The following CNTNAP2 variants were observed in gnomAD, a reference collection of about 807,000 sequenced individuals.
CNTNAP2 encodes contactin-associated protein-like 2.
In CNTNAP2, 98 loss-of-function variants were observed where a neutral mutation model predicts 155.2. The ratio of observed to expected loss-of-function variants is 0.63; its 90% CI spans 0.54 to 0.75. The LOEUF (loss-of-function observed/expected upper bound fraction) is 0.75. Among genes scored for constraint, CNTNAP2 ranks in the 30% least tolerant of loss-of-function variants. CNTNAP2 has a pLI of 0.00. For synonymous variants in CNTNAP2, 651 were observed against 631.2 expected (o/e 1.03, Z -0.47); for missense variants, 1,727 against 1,688.1 (o/e 1.02, Z -0.40).
intron 3 of CNTNAP2, among the ~76,000 whole-genome samples, chr7:146,843,423 T>A (rs1232153892): frequency 6.6e-6 from 1 of 152,062 alleles, no homozygotes; most frequent in East Asian, 1.9e-4. Context: ...AGGCCCCTCT[T>A]CCAACACTGG....
At chr7:147,027,728 A>G (rs990067550) in intron 3 of CNTNAP2, among the ~76,000 whole-genome samples, 1 of 152,154 alleles carries the variant, frequency 6.6e-6, no homozygotes, top group African/African-American at 2.4e-5. Flanking sequence ...GGGTTTGGCC[A>G]AATACAGTGG....
intron 1 of CNTNAP2, among the ~76,000 whole-genome samples, chr7:146,640,283 G>A (rs983785626): frequency 6.6e-6 from 1 of 152,178 alleles, no homozygotes; most frequent in South Asian, 2.1e-4. Flanking sequence ...AATCCCAAAG[G>A]AAAGATACGT....
At chr7:146,838,510 G>T (rs1267304382) in intron 2 of CNTNAP2, among the ~76,000 whole-genome samples, 1 of 152,038 alleles carries the variant, frequency 6.6e-6, no homozygotes, top group Non-Finnish European at 1.5e-5. Flanking sequence ...AGGAAATGGG[G>T]TTTCAGCATG....
chr7:148,156,508 C>G (rs1805401300), intron 17 of CNTNAP2, among the ~76,000 whole-genome samples: 1 of 152,112 alleles, frequency 6.6e-6, no homozygotes, highest in Non-Finnish European at 1.5e-5. Flanking sequence ...TGCAGTGTCA[C>G]AGAGCCTTCC....
rs73170343 is a variant in CNTNAP2, at chr7:146,798,448, C to T, written c.208+24067C>T. 5.8e-4 allele frequency among the ~76,000 whole-genome samples: 89 copies of T among 152,182 alleles called. 1 individual carries two copies. Among genetic ancestry groups the T allele is most frequent in the Non-Finnish European group, 1.0e-3 (71 of 68,002 alleles). On this transcript the variant is annotated intron_variant, in intron 2 of 23. Coordinates refer to ENST00000361727, the MANE Select transcript of CNTNAP2 (RefSeq NM_014141.6). ...CCTCTGCCTTCTTGGCTCAAACAATCCTCATGCCTCAGCCTCCTGGGTAGC... is the reference window on the plus strand; with the variant it reads ...CCTCTGCCTTCTTGGCTCAAACAATTCTCATGCCTCAGCCTCCTGGGTAGC...
At chr7:147,751,566 T>C (rs1797136056) in intron 13 of CNTNAP2, among the ~76,000 whole-genome samples, 1 of 152,230 alleles carries the variant, frequency 6.6e-6, no homozygotes, top group Non-Finnish European at 1.5e-5. Flanking sequence ...GAGGCAATCA[T>C]CGTCCCTTAA....
chr7:146,341,064 A>T (rs1392471537), intron 1 of CNTNAP2, among the ~76,000 whole-genome samples: 4 of 152,178 alleles, frequency 2.6e-5, no homozygotes, highest in Non-Finnish European at 5.9e-5. Flanking sequence ...AAGAGTTCAG[A>T]TAATAATGTT....
intron 1 of CNTNAP2, among the ~76,000 whole-genome samples, chr7:146,210,307 T>C (rs867775857): frequency 5.9e-5 from 9 of 152,190 alleles, no homozygotes; most frequent in African/African-American, 2.2e-4. Context: ...GGGACTTGAG[T>C]GATGTAGTAC....
At chr7:147,354,254 T>A (rs1343821664) in intron 9 of CNTNAP2, among the ~76,000 whole-genome samples, 2 of 152,142 alleles carry the variant, frequency 1.3e-5, no homozygotes, top group East Asian at 3.9e-4. Flanking sequence ...TCGTCTAGGG[T>A]TTTTATGGTT....
rs1385409098 is a variant in CNTNAP2 at position 146,535,408 on chromosome 7, G to T, written c.98-238863G>T. Among the ~76,000 whole-genome samples, 4 of 45,210 alleles carry T rather than the reference G, an allele frequency of 8.8e-5. 1 individual carries two copies. The highest frequency in any genetic ancestry group is 1.9e-4 in the Admixed American group (1 of 5,380). 29.7% of individuals were successfully genotyped at this position (45,210 alleles called of 152,430 possible). A position where few individuals can be genotyped will look rare whatever the true frequency, so the allele number is the denominator to read the frequency against. On this transcript the variant is annotated intron_variant, in intron 1 of 23. Transcript: ENST00000361727. ...AATATATGATATATATATTATATAT[G>T]ATATAATATATGATATATATATTAT...
chr7:147,036,120 G>A (rs1225190118), intron 3 of CNTNAP2, among the ~76,000 whole-genome samples: 1 of 152,092 alleles, frequency 6.6e-6, no homozygotes, highest in Admixed American at 6.6e-5. Flanking sequence ...TCTTGTCCAC[G>A]CCTGTTCTTT....
chr7:147,148,607 G>A lies in CNTNAP2; in HGVS notation c.1348+16098G>A, dbSNP rs150099112. Among the ~76,000 whole-genome samples the A allele has an allele frequency of 4.2e-4, 64 of 152,242 alleles. 2 individuals are homozygous for A. In the East Asian group the frequency reaches 8.2e-3, roughly 19 times the overall value. ...GATTGTTACAGTTCTTAAAGATGGC[G>A]TGTCCAGAGTTTGTTCCTTCTGATG... On this transcript the variant is annotated intron_variant, in intron 8 of 23. Transcript: ENST00000361727.
Position 147,276,562 on chromosome 7 carries a change from A to T in CNTNAP2, c.1349-23579A>T, listed in dbSNP as rs112603106. Among the ~76,000 whole-genome samples the T allele has an allele frequency of 7.4e-3, 1,125 of 152,156 alleles. 6 individuals are homozygous for T. The highest frequency in any genetic ancestry group is 0.02 in the Middle Eastern group (6 of 294). On this transcript the variant is annotated intron_variant, in intron 8 of 23. Coordinates refer to ENST00000361727, the MANE Select transcript of CNTNAP2 (RefSeq NM_014141.6). ...AAATAAACAAATGAATTTGATGCCA[A>T]ACTTGAAGCTCATATTGGAATGTAA...
chr7:146,970,436 T>G (rs555642923), intron 3 of CNTNAP2, among the ~76,000 whole-genome samples: 2 of 152,276 alleles, frequency 1.3e-5, no homozygotes, highest in East Asian at 3.9e-4. Context: ...AAGACATTTA[T>G]GCAGCCAAAA....
intron 21 of CNTNAP2, among the ~76,000 whole-genome samples, chr7:148,349,123 C>T (rs764404300): frequency 5.3e-5 from 8 of 151,934 alleles, no homozygotes; most frequent in Non-Finnish European, 8.8e-5. Context: ...AATAAAACAG[C>T]AAACAAGAAC....
At chr7:147,677,776 T>C (rs999147223) in intron 13 of CNTNAP2, among the ~76,000 whole-genome samples, 1 of 151,842 alleles carries the variant, frequency 6.6e-6, no homozygotes, top group Admixed American at 6.6e-5. Context: ...AAAGAGACTC[T>C]CCTTTCTCCA....
intron 1 of CNTNAP2, among the ~76,000 whole-genome samples, chr7:146,394,638 C>T (rs147036896): frequency 8.4e-4 from 128 of 152,152 alleles, no homozygotes; most frequent in Non-Finnish European, 1.6e-3. Flanking sequence ...TGTCTTATCT[C>T]CCCATGAATA....
intron 13 of CNTNAP2, among the ~76,000 whole-genome samples, chr7:147,751,337 T>C (rs528104233): frequency 1.3e-5 from 2 of 150,632 alleles, no homozygotes; most frequent in South Asian, 4.2e-4. Context: ...TAAGTATTTA[T>C]TCAGAGATAA....
chr7:148,264,671 G>A (rs1044479740), intron 20 of CNTNAP2, among the ~76,000 whole-genome samples: 2 of 152,012 alleles, frequency 1.3e-5, no homozygotes, highest in African/African-American at 4.8e-5. Context: ...TAAGAAAATA[G>A]AACTTTGTTA....
Sources: allele counts gnomAD v4.1 joint callset (sites outside exome capture counted in the v4.1 genomes callset), GRCh38; gene constraint gnomAD v4.1.1; transcripts MANE v1.5; gene names NCBI Gene and HGNC (gene_info 2026-07-23, HGNC 2026-07-21).